Variants in GSE1 observed in about 807,000 individuals in gnomAD.
GSE1 encodes the protein Gse1 coiled-coil protein, also known as genetic suppressor element 1.
Under a neutral mutation model 112.6 loss-of-function variants are expected in GSE1, and 32 were observed. The ratio of observed to expected loss-of-function variants is 0.28; its 90% confidence interval spans 0.21 to 0.38. The LOEUF is 0.38. Ranked by LOEUF, GSE1 falls within the 10% of genes least tolerant of loss-of-function variation. The pLI is 1.00. For synonymous variants in GSE1, 1,115 were observed against 735.6 expected (o/e 1.52, Z -8.35); for missense variants, 2,348 against 1,699.2 (o/e 1.38, Z -6.71).
At chr16:85,528,175 A>C (rs2052422397) in intron 2 of GSE1, among the ~76,000 whole-genome samples, 1 of 152,240 alleles carries the variant, frequency 6.6e-6, no homozygotes, top group African/African-American at 2.4e-5. Context: ...CACCCCCGTG[A>C]AGCGTGCAGT....
intron 2 of GSE1, among the ~76,000 whole-genome samples, chr16:85,486,043 C>G (rs935689455): frequency 1.3e-5 from 2 of 152,164 alleles, no homozygotes; most frequent in Non-Finnish European, 2.9e-5. Context: ...GGGGACGTAA[C>G]GGCAGCTCAG....
intron 2 of GSE1, among the ~76,000 whole-genome samples, chr16:85,473,958 G>A (rs1321463241): frequency 6.6e-6 from 1 of 152,052 alleles, no homozygotes; most frequent in Non-Finnish European, 1.5e-5. Flanking sequence ...CCAGACAGAC[G>A]AACAGCCTGG....
At chr16:85,298,098 A>C (rs1479987515) in intron 1 of GSE1, among the ~76,000 whole-genome samples, 3 of 152,230 alleles carry the variant, frequency 2.0e-5, no homozygotes, top group Non-Finnish European at 4.4e-5. Context: ...GAGCTTCTCA[A>C]ACTGCAACGT....
chr16:85,561,818 G>A (rs771452133), intron 1 of GSE1, among the ~76,000 whole-genome samples: 9 of 152,150 alleles, frequency 5.9e-5, no homozygotes, highest in Non-Finnish European at 7.3e-5. Context: ...AGTGAAGCTC[G>A]GCCTGTGGGG....
At chr16:85,551,617 C>T (rs945423409), upstream of GSE1, among the ~76,000 whole-genome samples, 35 of 152,186 alleles carry the variant, frequency 2.3e-4, no homozygotes, top group African/African-American at 7.0e-4. Flanking sequence ...GGCATCAGGT[C>T]GGCAGCTGTG....
chr16:85,312,220 A>C (rs1290512303), intron 1 of GSE1, among the ~76,000 whole-genome samples: 47 of 100,178 alleles, frequency 4.7e-4, no homozygotes, highest in African/African-American at 1.3e-3. Flanking sequence ...GGGGGGGGAC[A>C]CACTTACCCC....
chr16:85,312,733 G>T (rs1597369915), intron 1 of GSE1, among the ~76,000 whole-genome samples: 1 of 151,848 alleles, frequency 6.6e-6, no homozygotes, highest in African/African-American at 2.4e-5. Flanking sequence ...AGGAGAGGAG[G>T]AGGCGGACGA....
chr16:85,335,005 C>A (rs529574552), intron 1 of GSE1, among the ~76,000 whole-genome samples: 1 of 152,234 alleles, frequency 6.6e-6, no homozygotes, highest in Admixed American at 6.5e-5. Flanking sequence ...AAGCCCCAGA[C>A]CCCTGCTCCT....
Position 85,209,769 on chromosome 16 carries a change from C to T in GSE1, c.2283+37962C>T, listed in dbSNP as rs117074544. ...CCTGACGTTGCCTGCTGGGCCTGCC[C>T]TGGTGATCCAGGCAGCTGAGGCTGA... On this transcript the variant is annotated intron_variant, in intron 1 of 2. Transcript: ENST00000637419. Among the ~76,000 whole-genome samples, 106 of 152,324 alleles carry T rather than the reference C, an allele frequency of 7.0e-4. No homozygotes were observed. The East Asian group carries it at 7.1e-3, about 10-fold the overall frequency.
intron 1 of GSE1, among the ~76,000 whole-genome samples, chr16:85,356,547 T>C (rs982661624): frequency 1.3e-5 from 2 of 152,196 alleles, no homozygotes. Context: ...GCTTGTGGCG[T>C]AGAGCTGGTC....
At chr16:85,212,050 T>G (rs1229340796) in intron 1 of GSE1, among the ~76,000 whole-genome samples, 1 of 152,218 alleles carries the variant, frequency 6.6e-6, no homozygotes, top group African/African-American at 2.4e-5. Context: ...GTTGCAGCCC[T>G]GACCCCCAGT....
At chr16:85,319,307 T>C (rs1597383037) in intron 1 of GSE1, among the ~76,000 whole-genome samples, 1 of 152,172 alleles carries the variant, frequency 6.6e-6, no homozygotes, top group African/African-American at 2.4e-5. Context: ...GGTGGGACAG[T>C]GTAGCGGGAG....
chr16:85,651,050 CT>C (rs1424460921), intron 3 of GSE1, among the ~76,000 whole-genome samples: 1 of 122,744 alleles, frequency 8.1e-6, no homozygotes. Flanking sequence ...CCCTCCGCCC[CT>C]CCTCCCCCTC....
chr16:85,289,160 T>C (rs908950751), intron 1 of GSE1, among the ~76,000 whole-genome samples: 1 of 152,208 alleles, frequency 6.6e-6, no homozygotes, highest in African/African-American at 2.4e-5. Flanking sequence ...TGACCCCTTC[T>C]GCTTGCAAAG....
chr16:85,322,643 T>C (rs114065709), intron 1 of GSE1, among the ~76,000 whole-genome samples: 5,109 of 147,800 alleles, frequency 0.035, 295 homozygotes, highest in African/African-American at 0.12. Context: ...TAAGACAGAG[T>C]ATTGCTCTGT....
At chr16:85,643,999 G>A (rs915068425) in intron 2 of GSE1, among the ~76,000 whole-genome samples, 1 of 152,088 alleles carries the variant, frequency 6.6e-6, no homozygotes, top group African/African-American at 2.4e-5. Flanking sequence ...GAACACCCTG[G>A]GTTTGGGCCG....
intron 2 of GSE1, among the ~76,000 whole-genome samples, chr16:85,521,676 G>A (rs2151155394): frequency 6.6e-6 from 1 of 152,354 alleles, no homozygotes; most frequent in South Asian, 2.1e-4. Flanking sequence ...CATCTGAGTA[G>A]CGGCTAAGGG....
Position 85,656,512 on chromosome 16 carries a change from C to T in GSE1, c.1159C>T (p.Arg387Cys), listed in dbSNP as rs556919927. The T allele has an allele frequency of 1.1e-5, 17 of 1,548,560 alleles. No individual in the cohort carries two copies. Among genetic ancestry groups the T allele is most frequent in the Admixed American group, 9.8e-5 (5 of 51,030 alleles). ...REKERERELE[R>C]QREQRAREKE... ...GAAGGAGCGCGAGCGCGAGCTGGAG[C>T]GCCAGCGGGAGCAGCGGGCCCGGGA... Residue 387 changes from arginine (R) to cysteine (C), a missense_variant, in exon 7 of 16, where the codon CGC becomes TGC. Physicochemically the swap from Arg to Cys is radical, Grantham distance 180. Coordinates refer to ENST00000253458, the MANE Select transcript of GSE1 (RefSeq NM_014615.5).
intron 3 of GSE1, among the ~76,000 whole-genome samples, chr16:85,653,654 C>G (rs1392248020): frequency 6.6e-6 from 1 of 152,036 alleles, no homozygotes; most frequent in Non-Finnish European, 1.5e-5. Flanking sequence ...GCTGGCCAGT[C>G]AGGGCCCAGC....
Sources: gnomAD v4.1 joint callset for allele counts (sites outside exome capture counted in the v4.1 genomes callset) on GRCh38, gnomAD v4.1.1 for gene constraint, MANE v1.5 for transcripts, NCBI Gene and HGNC (gene_info 2026-07-23, HGNC 2026-07-21) for gene names.